AGBL4: variants seen among roughly 807,000 people sequenced by gnomAD.
The protein encoded by AGBL4 is AGBL carboxypeptidase 4.
In AGBL4, 58 loss-of-function variants were observed where a neutral mutation model predicts 66.4. That is an observed-to-expected ratio of 0.87 (90% CI 0.71 to 1.09). The LOEUF is 1.09. Among genes scored for constraint, AGBL4 ranks in the 50% least tolerant of loss-of-function variants. The pLI is 0.00. For synonymous variants in AGBL4, 234 were observed against 222.9 expected (o/e 1.05, Z -0.44); for missense variants, 579 against 631.0 (o/e 0.92, Z 0.88).
intron 2 of AGBL4, among the ~76,000 whole-genome samples, chr1:49,730,811 C>T (rs931087109): frequency 2.0e-5 from 3 of 152,186 alleles, no homozygotes; most frequent in African/African-American, 7.2e-5. Context: ...TCATCCACCC[C>T]GTGGAGATTT....
intron 11 of AGBL4, among the ~76,000 whole-genome samples, chr1:48,581,905 C>T (rs1175735377): frequency 2.0e-5 from 3 of 152,206 alleles, no homozygotes; most frequent in Non-Finnish European, 4.4e-5. Flanking sequence ...CTGACACCAG[C>T]ACTGTATTCT....
intron 2 of AGBL4, among the ~76,000 whole-genome samples, chr1:49,754,211 C>T (rs1022290232): frequency 6.6e-6 from 1 of 151,144 alleles, no homozygotes; most frequent in African/African-American, 2.4e-5. Flanking sequence ...CATGATTTAT[C>T]TACCTTTGGT....
chr1:49,293,777 A>G (rs548145520), intron 3 of AGBL4, among the ~76,000 whole-genome samples: 4 of 152,366 alleles, frequency 2.6e-5, no homozygotes, highest in South Asian at 2.1e-4. Flanking sequence ...CTTAAGGGAG[A>G]AAAATATTTG....
intron 3 of AGBL4, among the ~76,000 whole-genome samples, chr1:49,317,344 C>T (rs960269976): frequency 6.6e-6 from 1 of 151,730 alleles, no homozygotes; most frequent in Non-Finnish European, 1.5e-5. Context: ...GTACATCTGT[C>T]GAATGCGAAT....
intron 3 of AGBL4, among the ~76,000 whole-genome samples, chr1:49,396,462 A>G (rs1644977407): frequency 6.6e-6 from 1 of 152,198 alleles, no homozygotes; most frequent in Admixed American, 6.6e-5. Context: ...TGATGTCACC[A>G]TATATAATCG....
rs201603126 is a variant in AGBL4, at chr1:49,697,362, C to T, written c.233G>A (p.Arg78His). ...AGTAAAGTTGAACCAGACTCGGAAGCGTGGATTACAGGTGTCCGGCCTAAT... is the reference window on the plus strand; with the variant it reads ...AGTAAAGTTGAACCAGACTCGGAAGTGTGGATTACAGGTGTCCGGCCTAAT... Reference protein sequence around the residue: ...LFIRPDTCNPRFRVWFNFTVE... With the variant: ...LFIRPDTCNPHFRVWFNFTVE... The change falls in exon 3 of 14, where the codon CGC becomes CAC. Residue 78 changes from arginine to histidine, a missense_variant. Physicochemically the swap from Arg to His is conservative, Grantham distance 29 (BLOSUM62 0). Coordinates refer to ENST00000371839, the MANE Select transcript of AGBL4 (RefSeq NM_032785.4). The T allele has an allele frequency of 3.5e-5, 54 of 1,548,614 alleles. No individual in the cohort carries two copies. The East Asian group carries it at 1.2e-3, about 35-fold the overall frequency.
intron 5 of AGBL4, among the ~76,000 whole-genome samples, chr1:48,991,885 T>G (rs1445388075): frequency 9.8e-5 from 15 of 152,294 alleles, no homozygotes; most frequent in Admixed American, 2.6e-4. Flanking sequence ...AATTCTTAAT[T>G]CCTTGTCTGT....
chr1:48,906,157 C>T (rs1652566737), intron 5 of AGBL4, among the ~76,000 whole-genome samples: 1 of 151,936 alleles, frequency 6.6e-6, no homozygotes, highest in Non-Finnish European at 1.5e-5. Flanking sequence ...AAGAATGTGA[C>T]ATGAAAAACC....
At chr1:49,381,671 A>G (rs1435490114) in intron 3 of AGBL4, among the ~76,000 whole-genome samples, 80 of 152,232 alleles carry the variant, frequency 5.3e-4, no homozygotes, top group Non-Finnish European at 8.8e-5. Flanking sequence ...CAGCCATAAA[A>G]AATGATGAGT....
At chr1:49,874,839 T>C (rs1199356751) in intron 1 of AGBL4, among the ~76,000 whole-genome samples, 2 of 152,150 alleles carry the variant, frequency 1.3e-5, no homozygotes, top group Non-Finnish European at 2.9e-5. Context: ...ATTACTATTA[T>C]TATACTTTAA....
intron 2 of AGBL4, among the ~76,000 whole-genome samples, chr1:49,710,762 C>T (rs971452253): frequency 1.3e-5 from 2 of 151,668 alleles, no homozygotes; most frequent in African/African-American, 4.8e-5. Flanking sequence ...ATCACTTTAC[C>T]TCTTTAGTTC....
chr1:49,418,342 A>T (rs983351924), intron 3 of AGBL4, among the ~76,000 whole-genome samples: 5 of 152,330 alleles, frequency 3.3e-5, no homozygotes, highest in Admixed American at 3.3e-4. Flanking sequence ...GACTGCTTTC[A>T]ACAACTCTGT....
chr1:48,594,604 G>A (rs1391023802), intron 9 of AGBL4, among the ~76,000 whole-genome samples: 3 of 151,828 alleles, frequency 2.0e-5, no homozygotes, highest in African/African-American at 7.3e-5. Flanking sequence ...CTTTTCTTTT[G>A]TGGTTTCCTA....
At chr1:49,918,464 G>A (rs1056964378) in intron 1 of AGBL4, among the ~76,000 whole-genome samples, 20 of 152,070 alleles carry the variant, frequency 1.3e-4, no homozygotes, top group African/African-American at 3.1e-4. Context: ...ACACCTCTAC[G>A]CAAATAAACT....
intron 4 of AGBL4, among the ~76,000 whole-genome samples, chr1:49,153,013 T>C (rs1196486296): frequency 6.6e-6 from 1 of 151,652 alleles, no homozygotes; most frequent in African/African-American, 2.4e-5. Context: ...GAAGGAAACA[T>C]GGAAGGGGAG....
At position 49,660,961 on chromosome 1, in the gene AGBL4, CA is replaced by C. The variant is rs548775208; in HGVS notation, c.282+36351del. Among the ~76,000 whole-genome samples, 816 of 151,408 alleles carry C rather than the reference CA, an allele frequency of 5.4e-3. 11 individuals carry two copies. Among genetic ancestry groups the C allele is most frequent in the Non-Finnish European group, 5.7e-3 (384 of 67,800 alleles). ...CACTGTGGCCTGTTGGGGGGTCATG[CA>C]GGGGGAGGGAGAGCATTAGGAAAAA... On this transcript the variant is annotated intron_variant, in intron 3 of 13. Coordinates refer to ENST00000371839, the MANE Select transcript of AGBL4 (RefSeq NM_032785.4).
rs181760076 is a variant in AGBL4 at position 48,663,368 on chromosome 1, G to C, written c.635-127C>G. On this transcript the variant is annotated intron_variant, in intron 6 of 13. Transcript: ENST00000371839. The stretch of plus-strand genomic sequence containing the variant: ...TTACATTTACCTCTTAAACCACTGG[G>C]TTAGAATCATTAAGGTCCAGCCATT... 5 of 810,784 alleles carry C rather than the reference G, an allele frequency of 6.2e-6. No homozygotes were observed. The East Asian group carries it at 1.3e-4, about 20-fold the overall frequency. 50.2% of individuals were successfully genotyped at this position (810,784 alleles called of 1,614,324 possible).
intron 13 of AGBL4, among the ~76,000 whole-genome samples, 189 bp downstream of exon 13, chr1:48,534,701 C>T (rs1224351394): frequency 6.6e-6 from 1 of 152,096 alleles, no homozygotes; most frequent in Non-Finnish European, 1.5e-5. Flanking sequence ...GAATAGGTGG[C>T]AGCACATAAA....
intron 4 of AGBL4, among the ~76,000 whole-genome samples, chr1:49,234,265 G>C (rs1238706056): frequency 6.6e-6 from 1 of 152,194 alleles, no homozygotes; most frequent in Non-Finnish European, 1.5e-5. Context: ...CATTTGAAGG[G>C]AAGGAAGTAA....
Sources: allele counts gnomAD v4.1 joint callset (sites outside exome capture counted in the v4.1 genomes callset), GRCh38; gene constraint gnomAD v4.1.1; transcripts MANE v1.5; gene names NCBI Gene and HGNC (gene_info 2026-07-23, HGNC 2026-07-21).